The following RBFOX2 variants were observed in gnomAD, a reference collection of about 807,000 sequenced individuals.
RBFOX2 encodes RNA binding fox-1 homolog 2.
Under a neutral mutation model 49.1 loss-of-function variants are expected in RBFOX2, and 10 were observed. That is an observed-to-expected ratio of 0.20 (90% CI 0.13 to 0.35). The LOEUF (loss-of-function observed/expected upper bound fraction) is 0.35, where lower values mean the gene tolerates loss of function less well. Among genes scored for constraint, RBFOX2 ranks in the 10% least tolerant of loss-of-function variants. RBFOX2 has a pLI of 1.00. For missense variants in RBFOX2, 323 were observed against 486.9 expected (o/e 0.66, Z 3.17); for synonymous variants, 183 against 187.4 (o/e 0.98, Z 0.19).
chr22:35,987,733 T>C (rs958186695), intron 1 of RBFOX2, among the ~76,000 whole-genome samples: 4 of 152,174 alleles, frequency 2.6e-5, no homozygotes, highest in Non-Finnish European at 5.9e-5. Context: ...AACTTTCTGC[T>C]CACATTCTAT....
chr22:35,963,627 T>A (rs2056386245), upstream of RBFOX2, among the ~76,000 whole-genome samples: 1 of 152,232 alleles, frequency 6.6e-6, no homozygotes, highest in African/African-American at 2.4e-5. Context: ...AAGCTCCATT[T>A]ATCTACTCTT....
upstream of RBFOX2, among the ~76,000 whole-genome samples, chr22:35,964,780 C>G (rs1370948746): frequency 6.6e-6 from 1 of 152,118 alleles, no homozygotes; most frequent in African/African-American, 2.4e-5. Context: ...CCATGTGAAC[C>G]AGTTAGCATC....
chr22:35,758,912 C>A (rs1053581862), intron 9 of RBFOX2, among the ~76,000 whole-genome samples: 1 of 152,100 alleles, frequency 6.6e-6, no homozygotes, highest in Non-Finnish European at 1.5e-5. Flanking sequence ...GGTTCCTTCC[C>A]TTTATATTTT....
intron 1 of RBFOX2, among the ~76,000 whole-genome samples, chr22:35,926,454 C>A (rs538920947): frequency 6.6e-6 from 1 of 152,172 alleles, no homozygotes; most frequent in Non-Finnish European, 1.5e-5. Context: ...AAATCAATTG[C>A]CTATATACAA....
At chr22:35,892,733 A>G (rs1294585726) in intron 1 of RBFOX2, among the ~76,000 whole-genome samples, 2 of 152,170 alleles carry the variant, frequency 1.3e-5, no homozygotes, top group African/African-American at 2.4e-5. Context: ...AGAACTGGGC[A>G]TTTTTCAGGC....
intron 2 of RBFOX2, among the ~76,000 whole-genome samples, chr22:35,799,090 A>G (rs1949303753): frequency 6.6e-6 from 1 of 152,196 alleles, no homozygotes; most frequent in Non-Finnish European, 1.5e-5. Flanking sequence ...TAATATACCA[A>G]TAGAGGTGAC....
At chr22:35,985,005 G>A (rs1183564841) in intron 1 of RBFOX2, among the ~76,000 whole-genome samples, 2 of 152,128 alleles carry the variant, frequency 1.3e-5, no homozygotes. Context: ...AGTAAACAAG[G>A]AGACAAATTT....
chr22:35,853,052 G>C (rs1023127309), intron 1 of RBFOX2, among the ~76,000 whole-genome samples: 27 of 151,948 alleles, frequency 1.8e-4, no homozygotes, highest in African/African-American at 5.6e-4. Flanking sequence ...CCAGCACTTT[G>C]GAAGGCCAAG....
intron 1 of RBFOX2, among the ~76,000 whole-genome samples, chr22:35,871,992 G>T (rs191256794): frequency 6.6e-6 from 1 of 152,320 alleles, no homozygotes; most frequent in East Asian, 1.9e-4. Flanking sequence ...CAGGGCAAGG[G>T]TAGGCAAAGA....
intron 1 of RBFOX2, among the ~76,000 whole-genome samples, chr22:35,896,349 A>G (rs1302637927): frequency 6.6e-6 from 1 of 152,236 alleles, no homozygotes; most frequent in South Asian, 2.1e-4. Flanking sequence ...TTTGAGGAAT[A>G]TTCCACTCCT....
chr22:35,756,211 G>C, intron 9 of RBFOX2, 67 bp from the exon 11 acceptor site: 1 of 1,430,192 alleles, frequency 7.0e-7, no homozygotes, highest in African/African-American at 1.5e-5. Context: ...TCCGGTTATT[G>C]AGGACGGCAG....
At chr22:35,937,546 T>C (rs2053230117) in intron 1 of RBFOX2, among the ~76,000 whole-genome samples, 2 of 152,172 alleles carry the variant, frequency 1.3e-5, no homozygotes, top group South Asian at 4.1e-4. Context: ...CTATTGATTA[T>C]CAACCATCCT....
At chr22:35,897,358 G>A in intron 1 of RBFOX2, 2 of 1,261,504 alleles carry the variant, frequency 1.6e-6, no homozygotes, top group East Asian at 4.6e-5. Flanking sequence ...ATGGCCTTGA[G>A]TTCCAGTGGT....
upstream of RBFOX2, among the ~76,000 whole-genome samples, chr22:35,962,373 A>C (rs1190059164): frequency 6.6e-6 from 1 of 152,164 alleles, no homozygotes; most frequent in Non-Finnish European, 1.5e-5. Context: ...ATTCTCACAT[A>C]CCTCATCTAA....
chr22:35,805,969 T>C (rs920617717), intron 2 of RBFOX2, among the ~76,000 whole-genome samples: 1 of 151,804 alleles, frequency 6.6e-6, no homozygotes, highest in Non-Finnish European at 1.5e-5. Context: ...TTGCCAGGGG[T>C]TGGGTTGTGG....
intron 1 of RBFOX2, among the ~76,000 whole-genome samples, chr22:35,988,576 T>G (rs1486528750): frequency 6.6e-6 from 1 of 151,932 alleles, no homozygotes. Flanking sequence ...TAAGGGTTAG[T>G]GCCATAAAGG....
At chr22:35,986,490 T>C (rs1375822201) in intron 1 of RBFOX2, among the ~76,000 whole-genome samples, 1 of 152,094 alleles carries the variant, frequency 6.6e-6, no homozygotes, top group East Asian at 1.9e-4. Flanking sequence ...AACGTGCACC[T>C]CAAAAAGAAG....
chr22:35,867,272 A>G (rs1293979482), intron 1 of RBFOX2, among the ~76,000 whole-genome samples: 1 of 152,240 alleles, frequency 6.6e-6, no homozygotes, highest in East Asian at 1.9e-4. Flanking sequence ...AAACATTTGC[A>G]TGAATCTACA....
intron 1 of RBFOX2, among the ~76,000 whole-genome samples, chr22:36,000,880 G>T (rs1183358357): frequency 1.3e-5 from 2 of 151,994 alleles, no homozygotes; most frequent in Non-Finnish European, 2.9e-5. Context: ...CTACTCAAAA[G>T]CAAAGAAGAA....
Sources: gnomAD v4.1 joint callset for allele counts (sites outside exome capture counted in the v4.1 genomes callset) on GRCh38, gnomAD v4.1.1 for gene constraint, MANE v1.5 for transcripts, NCBI Gene and HGNC (gene_info 2026-07-23, HGNC 2026-07-21) for gene names.